SOX5: variants seen among roughly 807,000 people sequenced by gnomAD.
SOX5 encodes SRY-box transcription factor 5.
SOX5 carries 9 observed loss-of-function variants against 92.0 expected under a neutral mutation model. That is an observed-to-expected ratio of 0.10 (90% CI 0.06 to 0.17). The LOEUF (loss-of-function observed/expected upper bound fraction) is 0.17, where lower values mean the gene tolerates loss of function less well. SOX5 is among the 10% of genes least tolerant of loss of function. The pLI, the probability that SOX5 is intolerant of heterozygous loss-of-function variation, is 1.00. For missense variants in SOX5, 642 were observed against 944.5 expected (o/e 0.68, Z 4.20); for synonymous variants, 344 against 336.3 (o/e 1.02, Z -0.25).
chr12:24,479,886 G>A lies in SOX5; in HGVS notation c.-251+82443C>T, dbSNP rs141095259. ...TTACCCTGTTGGCCAGGCTGGTCTC[G>A]AACTCCTGAGCTCAAATGATCCACC... On this transcript the variant is annotated intron_variant, in intron 1 of 4. Coordinates refer to the SOX5 transcript ENST00000446891. Among the ~76,000 whole-genome samples the A allele has an allele frequency of 6.6e-3, 1,003 of 152,164 alleles. 8 individuals are homozygous for A. Among genetic ancestry groups the A allele is most frequent in the African/African-American group, 0.023 (941 of 41,494 alleles).
At chr12:24,356,286 G>C (rs1235700915) in intron 2 of SOX5, among the ~76,000 whole-genome samples, 2 of 152,208 alleles carry the variant, frequency 1.3e-5, no homozygotes, top group African/African-American at 4.8e-5. Flanking sequence ...AGGGATGGTA[G>C]GTAGGGAACC....
In SOX5 at chr12:23,958,392, T is replaced by C. The variant is rs188038479; in HGVS notation, c.-1-62368A>G. Among the ~76,000 whole-genome samples, 31 of 152,166 alleles carry C rather than the reference T, an allele frequency of 2.0e-4. No homozygotes were observed. In the East Asian group the frequency reaches 5.8e-3, roughly 28 times the overall value. ...AGGTAGAAATGCAAAAATAAACTTT[T>C]TTCATGGAATTATGACCTAGTCCAG... On this transcript the variant is annotated intron_variant, in intron 4 of 4. Transcript: ENST00000446891.
intron 4 of SOX5, among the ~76,000 whole-genome samples, chr12:24,109,543 G>A (rs1258973456): frequency 6.6e-6 from 1 of 152,112 alleles, no homozygotes; most frequent in Non-Finnish European, 1.5e-5. Flanking sequence ...ACTTCTGAAA[G>A]TGAGAAACAA....
At chr12:23,902,631 C>T (rs1481546734) in intron 1 of SOX5, among the ~76,000 whole-genome samples, 1 of 152,014 alleles carries the variant, frequency 6.6e-6, no homozygotes, top group Non-Finnish European at 1.5e-5. Flanking sequence ...ATAGAAGCAT[C>T]TGGAAAACAA....
At chr12:23,632,575 G>A (rs941493433) in intron 8 of SOX5, among the ~76,000 whole-genome samples, 3 of 152,028 alleles carry the variant, frequency 2.0e-5, no homozygotes, top group African/African-American at 7.2e-5. Context: ...GGGAAATATG[G>A]AGCATTCTTT....
chr12:24,542,959 A>C (rs550472644), intron 1 of SOX5, among the ~76,000 whole-genome samples: 47 of 152,370 alleles, frequency 3.1e-4, no homozygotes, highest in African/African-American at 1.1e-3. Flanking sequence ...CACTCAGGAC[A>C]CCCATACTTA....
intron 6 of SOX5, among the ~76,000 whole-genome samples, chr12:23,724,905 G>A (rs898985587): frequency 6.6e-6 from 1 of 152,150 alleles, no homozygotes; most frequent in Non-Finnish European, 1.5e-5. Flanking sequence ...TACTTGGTGG[G>A]GTAAACAAAG....
chr12:23,566,716 T>G (rs1439092183), intron 10 of SOX5, among the ~76,000 whole-genome samples: 1 of 152,238 alleles, frequency 6.6e-6, no homozygotes, highest in Non-Finnish European at 1.5e-5. Context: ...ACTCACTAGA[T>G]AACAGAAATG....
At chr12:24,354,159 G>C (rs1954492760) in intron 2 of SOX5, among the ~76,000 whole-genome samples, 1 of 152,210 alleles carries the variant, frequency 6.6e-6, no homozygotes, top group Non-Finnish European at 1.5e-5. Context: ...CATACACCAG[G>C]TAGACCCAAT....
At chr12:24,322,686 A>T (rs566259804) in intron 2 of SOX5, among the ~76,000 whole-genome samples, 1 of 152,218 alleles carries the variant, frequency 6.6e-6, no homozygotes, top group Admixed American at 6.5e-5. Flanking sequence ...ACAAGTTAAA[A>T]GTGGAAGAAA....
chr12:24,524,353 A>G (rs1023470468), intron 1 of SOX5, among the ~76,000 whole-genome samples: 64 of 134,922 alleles, frequency 4.7e-4, no homozygotes, highest in Non-Finnish European at 7.5e-4. Flanking sequence ...CTATCTATCT[A>G]TCTATCTATC....
intron 6 of SOX5, among the ~76,000 whole-genome samples, chr12:23,711,402 A>C (rs2140370989): frequency 6.6e-6 from 1 of 152,344 alleles, no homozygotes; most frequent in South Asian, 2.1e-4. Flanking sequence ...ATACAGGCAA[A>C]GCAGTGTATG....
chr12:23,672,228 T>C (rs1260348202), intron 6 of SOX5, among the ~76,000 whole-genome samples: 1 of 152,116 alleles, frequency 6.6e-6, no homozygotes, highest in Admixed American at 6.6e-5. Context: ...CCAATCCCCC[T>C]GTATTCCTAC....
In SOX5 at chr12:24,314,422, G is replaced by A. The variant is rs113603187; in HGVS notation, c.-173-37110C>T. Reference sequence around the variant, plus strand: ...AGAGATATACCTAATGTTAAATGACGAGTTAATGGGTGCAGCACACCAATA... The same window carrying A: ...AGAGATATACCTAATGTTAAATGACAAGTTAATGGGTGCAGCACACCAATA... On this transcript the variant is annotated intron_variant, in intron 2 of 4. Coordinates refer to the SOX5 transcript ENST00000446891. 7.3e-5 allele frequency among the ~76,000 whole-genome samples: 11 copies of A among 151,692 alleles called. No individual in the cohort carries two copies. In the East Asian group the frequency reaches 9.7e-4, roughly 13 times the overall value.
chr12:24,380,924 T>A (rs941900903), intron 1 of SOX5, among the ~76,000 whole-genome samples: 1 of 151,978 alleles, frequency 6.6e-6, no homozygotes, highest in Non-Finnish European at 1.5e-5. Flanking sequence ...GTCCCTAAAA[T>A]CTCCATCCAA....
chr12:24,053,656 G>A (rs1379472672), intron 4 of SOX5, among the ~76,000 whole-genome samples: 1 of 152,098 alleles, frequency 6.6e-6, no homozygotes, highest in East Asian at 1.9e-4. Flanking sequence ...TTTTCCCAAA[G>A]TCATTTCATT....
At position 24,463,687 on chromosome 12, in the gene SOX5, G is replaced by A. The variant is rs117034903; in HGVS notation, c.-250-95048C>T. On this transcript the variant is annotated intron_variant, in intron 1 of 4. Coordinates refer to the SOX5 transcript ENST00000446891. ...TGCCTATCTATTTTCAGAGATTATA[G>A]GGAGAGCACTGGTGCCATTGGTTAA... is the stretch of plus-strand genomic sequence containing the variant. 4.1e-3 allele frequency among the ~76,000 whole-genome samples: 629 copies of A among 152,280 alleles called. 7 individuals carry two copies. Among genetic ancestry groups the A allele is most frequent in the Non-Finnish European group, 4.9e-3 (334 of 68,024 alleles).
At chr12:24,014,369 G>C (rs1319374541) in intron 4 of SOX5, among the ~76,000 whole-genome samples, 2 of 152,114 alleles carry the variant, frequency 1.3e-5, no homozygotes, top group Non-Finnish European at 2.9e-5. Flanking sequence ...CAGAGGCTGT[G>C]GGTTTAGCCA....
intron 4 of SOX5, among the ~76,000 whole-genome samples, chr12:24,212,963 C>T (rs1311933517): frequency 6.6e-6 from 1 of 151,990 alleles, no homozygotes; most frequent in Non-Finnish European, 1.5e-5. Context: ...CTCCTCCCTA[C>T]AATTACATAT....
Sources: allele counts gnomAD v4.1 joint callset (sites outside exome capture counted in the v4.1 genomes callset), GRCh38; gene constraint gnomAD v4.1.1; transcripts MANE v1.5; gene names NCBI Gene and HGNC (gene_info 2026-07-23, HGNC 2026-07-21).